DLC1: variants seen among roughly 807,000 people sequenced by gnomAD.
The protein encoded by DLC1 is DLC1 Rho GTPase activating protein, also known as rho GTPase-activating protein 7.
Under a neutral mutation model 140.3 loss-of-function variants are expected in DLC1, and 54 were observed. The observed-to-expected ratio is 0.38, with a 90% CI of 0.31 to 0.48. The LOEUF (loss-of-function observed/expected upper bound fraction) is 0.48, where lower values mean the gene tolerates loss of function less well. Ranked by LOEUF, DLC1 falls within the 20% of genes least tolerant of loss-of-function variation. DLC1 has a pLI of 0.96. For missense variants in DLC1, 2,536 were observed against 1,907.0 expected (o/e 1.33, Z -6.14); for synonymous variants, 986 against 728.1 (o/e 1.35, Z -5.70).
intron 2 of DLC1, among the ~76,000 whole-genome samples, chr8:13,491,571 A>G (rs1192372463): frequency 6.6e-6 from 1 of 152,200 alleles, no homozygotes; most frequent in Non-Finnish European, 1.5e-5. Flanking sequence ...TCTGGATACA[A>G]CTAAGTATCT....
intron 1 of DLC1, among the ~76,000 whole-genome samples, chr8:13,536,650 C>T (rs1158602784): frequency 6.6e-6 from 1 of 152,126 alleles, no homozygotes; most frequent in Non-Finnish European, 1.5e-5. Context: ...GTTACTTTCC[C>T]CCTGGTCAAA....
At chr8:13,141,233 T>G (rs1163728557) in intron 5 of DLC1, among the ~76,000 whole-genome samples, 1 of 113,910 alleles carries the variant, frequency 8.8e-6, no homozygotes, top group African/African-American at 3.5e-5. Context: ...CCAGCCTGGG[T>G]GACACAGTGC....
intron 2 of DLC1, among the ~76,000 whole-genome samples, chr8:13,463,749 G>A (rs1325327352): frequency 6.6e-6 from 1 of 152,058 alleles, no homozygotes; most frequent in Non-Finnish European, 1.5e-5. Flanking sequence ...CTGACTTTTT[G>A]CCGGATTCCC....
intron 4 of DLC1, among the ~76,000 whole-genome samples, chr8:13,344,485 C>A (rs1024126322): frequency 6.6e-6 from 1 of 152,152 alleles, no homozygotes; most frequent in Non-Finnish European, 1.5e-5. Flanking sequence ...AAGAGTGAAA[C>A]TCCATCTCAA....
At chr8:13,180,785 A>C (rs1825988794) in intron 5 of DLC1, among the ~76,000 whole-genome samples, 1 of 152,228 alleles carries the variant, frequency 6.6e-6, no homozygotes, top group African/African-American at 2.4e-5. Flanking sequence ...CATGAAATTA[A>C]GTTTCCAAAA....
intron 1 of DLC1, among the ~76,000 whole-genome samples, chr8:13,577,039 C>G (rs1268345287): frequency 6.6e-6 from 1 of 152,120 alleles, no homozygotes; most frequent in Non-Finnish European, 1.5e-5. Flanking sequence ...CTGTGTTGGG[C>G]TTAGGGGCCT....
chr8:13,552,910 C>T (rs1487662932), intron 1 of DLC1, among the ~76,000 whole-genome samples: 2 of 150,580 alleles, frequency 1.3e-5, no homozygotes, highest in Non-Finnish European at 3.0e-5. Flanking sequence ...CACAATGAAG[C>T]TTCTTATTTG....
chr8:13,341,170 A>G (rs1049774838), intron 4 of DLC1: 1 of 152,266 alleles, frequency 6.6e-6, no homozygotes, highest in African/African-American at 2.4e-5. Flanking sequence ...CACTGAGCAA[A>G]AAACACCAAT....
At chr8:13,602,929 A>C (rs1282831117) in intron 1 of DLC1, among the ~76,000 whole-genome samples, 1 of 151,884 alleles carries the variant, frequency 6.6e-6, no homozygotes, top group African/African-American at 2.4e-5. Flanking sequence ...GTAGTGATAA[A>C]ATAATTGAAT....
At chr8:13,540,276 C>G (rs1328374634) in intron 1 of DLC1, among the ~76,000 whole-genome samples, 1 of 152,116 alleles carries the variant, frequency 6.6e-6, no homozygotes, top group African/African-American at 2.4e-5. Context: ...TTTCCATGGT[C>G]TCAGTTAAGC....
intron 5 of DLC1, among the ~76,000 whole-genome samples, chr8:13,233,994 A>G (rs1157849788): frequency 6.6e-6 from 1 of 152,194 alleles, no homozygotes; most frequent in Admixed American, 6.5e-5. Context: ...TTCAATGTTT[A>G]TCTTTTTTCT....
intron 4 of DLC1, among the ~76,000 whole-genome samples, chr8:13,354,080 C>T (rs1311627191): frequency 6.6e-6 from 1 of 151,128 alleles, no homozygotes; most frequent in East Asian, 1.9e-4. Flanking sequence ...TGTGGTTTTG[C>T]CCTTCAGACC....
At chr8:13,533,709 G>C (rs951249984) in intron 1 of DLC1, among the ~76,000 whole-genome samples, 1 of 152,162 alleles carries the variant, frequency 6.6e-6, no homozygotes, top group Non-Finnish European at 1.5e-5. Context: ...GTTTGACTCT[G>C]TGTCCCCACC....
intron 5 of DLC1, among the ~76,000 whole-genome samples, chr8:13,243,163 G>A (rs1451116790): frequency 6.6e-6 from 1 of 151,946 alleles, no homozygotes; most frequent in South Asian, 2.1e-4. Flanking sequence ...GGTGGCACAT[G>A]CCTGTAATCC....
chr8:13,355,172 T>G (rs1210317420), intron 4 of DLC1, among the ~76,000 whole-genome samples: 1 of 88,006 alleles, frequency 1.1e-5, no homozygotes, highest in South Asian at 4.1e-4. Flanking sequence ...ATAGACTTTG[T>G]TACTTAAACT....
At chr8:13,229,119 G>C (rs1271164755) in intron 5 of DLC1, among the ~76,000 whole-genome samples, 2 of 152,202 alleles carry the variant, frequency 1.3e-5, no homozygotes, top group South Asian at 2.1e-4. Flanking sequence ...TCACACAACA[G>C]TCCATACCCA....
At chr8:13,552,029 A>G (rs139332329) in intron 1 of DLC1, among the ~76,000 whole-genome samples, 10,506 of 138,224 alleles carry the variant, frequency 0.076, 514 homozygotes, top group South Asian at 0.18. Context: ...GTATATATAT[A>G]TGTGTGTGTG....
At chr8:13,508,181 G>A (rs2066544268) in intron 1 of DLC1, among the ~76,000 whole-genome samples, 2 of 152,182 alleles carry the variant, frequency 1.3e-5, no homozygotes, top group South Asian at 4.1e-4. Context: ...CTTGCAGAGA[G>A]GAGAGCAGAT....
At chr8:13,227,399 A>G (rs191968580) in intron 5 of DLC1, among the ~76,000 whole-genome samples, 6 of 152,290 alleles carry the variant, frequency 3.9e-5, no homozygotes, top group African/African-American at 1.4e-4. Flanking sequence ...AGAGACTTGG[A>G]TTGGGAATCT....
Sources: gnomAD v4.1 joint callset for allele counts (sites outside exome capture counted in the v4.1 genomes callset) on GRCh38, gnomAD v4.1.1 for gene constraint, MANE v1.5 for transcripts, NCBI Gene and HGNC (gene_info 2026-07-23, HGNC 2026-07-21) for gene names.